The following AXIN2 variants were observed in gnomAD, a reference collection of about 807,000 sequenced individuals.
AXIN2 encodes the protein axin 2.
In AXIN2, 21 loss-of-function variants were observed where a neutral mutation model predicts 74.7. That is an observed-to-expected ratio of 0.28 (90% confidence interval 0.20 to 0.40). The LOEUF (loss-of-function observed/expected upper bound fraction) is 0.40, where lower values mean the gene tolerates loss of function less well. Among genes scored for constraint, AXIN2 ranks in the 10% least tolerant of loss-of-function variants. AXIN2 has a pLI of 1.00. For synonymous variants in AXIN2, 532 were observed against 454.9 expected, an observed-to-expected ratio of 1.17 and a Z score of -2.16; for missense variants, 1,144 against 1,111.1, an observed-to-expected ratio of 1.03 and a Z score of -0.42.
chr17:65,554,244 T>C lies in AXIN2; in HGVS notation c.815+3562A>G, dbSNP rs1169291563. On this transcript the variant is annotated intron_variant, in intron 2 of 10. Coordinates refer to ENST00000307078, the MANE Select transcript of AXIN2 (RefSeq NM_004655.4). ...ATAGGGGTCCTCCTCCTTCTCCTCC[T>C]CTTCCTCTTCCTCCTCCTCCTCCTC... 1.3e-5 allele frequency among the ~76,000 whole-genome samples: 2 copies of C among 150,798 alleles called. 1 individual carries two copies. The highest frequency in any genetic ancestry group is 3.0e-5 in the Non-Finnish European group (2 of 67,172).
At chr17:65,537,280 G>A (rs747409563) in intron 6 of AXIN2, 44 bp downstream of exon 6, 1 of 1,612,502 alleles carries the variant, frequency 6.2e-7, no homozygotes, top group Non-Finnish European at 8.5e-7. Flanking sequence ...ACCTGGCTGG[G>A]AGACAAGCCC....
Position 65,538,262 on chromosome 17 carries a change from G to C in AXIN2, c.1141C>G (p.Leu381Val). The stretch of plus-strand genomic sequence containing the variant: ...TGGCGGCTCTCCAACTCCAGCTTCA[G>C]CTTTTCCAGCCTCGAGATCAGCTCA... ...AAELISRLEK[L>V]KLELESRHSL... Residue 381 changes from leucine (L) to valine (V), a missense_variant, in exon 5 of 11, where the codon CTG (leucine) becomes GTG (valine). Leu to Val is a conservative substitution (Grantham distance 32). Around this residue, in one of 4 missense-constraint regions of AXIN2, gnomAD observed 1,053 missense variants for 973.5 expected, o/e 1.08. Transcript: ENST00000307078. The C allele has an allele frequency of 6.2e-7, 1 of 1,614,226 alleles. No individual in the cohort carries two copies.
At chr17:65,530,426 C>G (rs2043797514) in intron 10 of AXIN2, among the ~76,000 whole-genome samples, 1 of 152,210 alleles carries the variant, frequency 6.6e-6, no homozygotes, top group South Asian at 2.1e-4. Context: ...CCCCCGCCAA[C>G]CTTTTTCAGC....
At chr17:65,537,263 C>T in intron 6 of AXIN2, 61 bp downstream of exon 6, 1 of 1,608,328 alleles carries the variant, frequency 6.2e-7, no homozygotes, top group Non-Finnish European at 8.5e-7. Flanking sequence ...CTCACACCTG[C>T]CCATGGACCT....
chr17:65,558,768 G>A, intron 1 of AXIN2, 32 bp from the exon 2 acceptor site: 1 of 811,846 alleles, frequency 1.2e-6, no homozygotes, highest in Non-Finnish European at 2.0e-6. Flanking sequence ...GAGGTGGGGA[G>A]AGAGAAAAGG....
At chr17:65,544,024 G>C (rs750687592) in intron 3 of AXIN2, among the ~76,000 whole-genome samples, 11 of 152,088 alleles carry the variant, frequency 7.2e-5, no homozygotes, top group South Asian at 2.1e-4. Context: ...CTCTTCTAGG[G>C]ACTTAGACAG....
At chr17:65,548,194 A>G (rs2044143207) in intron 3 of AXIN2, among the ~76,000 whole-genome samples, 1 of 152,198 alleles carries the variant, frequency 6.6e-6, no homozygotes. Flanking sequence ...CCAAAATGCT[A>G]TTTTTATTAA....
chr17:65,551,171 G>A (rs2044187326), intron 2 of AXIN2, among the ~76,000 whole-genome samples: 1 of 152,218 alleles, frequency 6.6e-6, no homozygotes, highest in Admixed American at 6.5e-5. Flanking sequence ...AGGAGGGACA[G>A]TTGGGGACGG....
At chr17:65,560,518 TAACCGC>T (rs2044350976) in intron 1 of AXIN2, 1 of 152,096 alleles carries the variant, frequency 6.6e-6, no homozygotes, top group African/African-American at 2.4e-5. Flanking sequence ...CTCACATCCA[TAACCGC>T]GACAGCGACG....
intron 3 of AXIN2, among the ~76,000 whole-genome samples, chr17:65,549,211 G>A (rs1469647509): frequency 6.6e-6 from 1 of 152,202 alleles, no homozygotes; most frequent in Non-Finnish European, 1.5e-5. Context: ...ACAACCAGAA[G>A]AAGGTTTTTT....
chr17:65,549,379 C>G, intron 3 of AXIN2, 141 bp downstream of exon 3: 1 of 1,025,214 alleles, frequency 9.8e-7, no homozygotes, highest in Non-Finnish European at 1.5e-6. Flanking sequence ...CCTTGTCATA[C>G]TCCCCTCCCA....
rs1179039200 is a variant in AXIN2 at position 65,528,650 on chromosome 17, T to C, written c.*1326A>G. Reference sequence around the variant, plus strand: ...AGTAATTTTCCTTAAATGAACTCTTTATAATGCATAATTTACAGTATAAGT... The same window carrying C: ...AGTAATTTTCCTTAAATGAACTCTTCATAATGCATAATTTACAGTATAAGT... On this transcript the variant is annotated 3_prime_UTR_variant, in exon 11 of 11. Transcript: ENST00000307078. 7 of 516,806 alleles carry C rather than the reference T, an allele frequency of 1.4e-5. No individual in the cohort carries two copies. The highest frequency in any genetic ancestry group is 2.2e-5 in the Non-Finnish European group (6 of 269,702). 32.0% of individuals were successfully genotyped at this position (516,806 alleles called of 1,614,324 possible).
chr17:65,552,940 A>G (rs1432312896), intron 2 of AXIN2, among the ~76,000 whole-genome samples: 1 of 152,140 alleles, frequency 6.6e-6, no homozygotes, highest in South Asian at 2.1e-4. Context: ...AGGCAGGAGA[A>G]TCGCTTGAAC....
chr17:65,533,378 T>G (rs1340012057), intron 10 of AXIN2, among the ~76,000 whole-genome samples: 1 of 152,176 alleles, frequency 6.6e-6, no homozygotes, highest in Non-Finnish European at 1.5e-5. Context: ...GGGAGGCTGT[T>G]CAGGTGGAAA....
chr17:65,536,473 C>A lies in AXIN2; in HGVS notation c.1988G>T (p.Trp663Leu), dbSNP rs761870581. 5 of 1,613,934 alleles carry A rather than the reference C, an allele frequency of 3.1e-6. No homozygotes were observed. The highest frequency in any genetic ancestry group is 1.3e-5 in the African/African-American group (1 of 75,078). Reference sequence around the variant, plus strand: ...GCGGGGGTGCCCGCTGTTGCCCCCCCACAGATGGTGCCGGCTGGCTCGTTC... The same window carrying A: ...GCGGGGGTGCCCGCTGTTGCCCCCCAACAGATGGTGCCGGCTGGCTCGTTC... ...PGERASRHHLWGGNSGHPRTT... is the reference protein window; with the variant it reads ...PGERASRHHLLGGNSGHPRTT... The change falls in exon 8 of 11, where the codon TGG becomes TTG. Residue 663 changes from tryptophan to leucine, a missense_variant. By Grantham distance (61) the Trp-to-Leu change is moderately conservative. This residue lies in a region of AXIN2 where 1,053 missense variants were observed against 973.5 expected (regional missense o/e 1.08). Coordinates refer to ENST00000307078, the MANE Select transcript of AXIN2 (RefSeq NM_004655.4).
At chr17:65,540,224 T>A (rs920188046) in intron 4 of AXIN2, among the ~76,000 whole-genome samples, 7 of 147,250 alleles carry the variant, frequency 4.8e-5, no homozygotes, top group African/African-American at 1.8e-4. Flanking sequence ...AAGTAGAATG[T>A]CCCAGTGAAG....
At chr17:65,555,906 C>T (rs1232396348) in intron 2 of AXIN2, among the ~76,000 whole-genome samples, 1 of 151,658 alleles carries the variant, frequency 6.6e-6, no homozygotes, top group African/African-American at 2.4e-5. Context: ...GATGCTTCAT[C>T]TCAACCCAAC....
Position 65,533,311 on chromosome 17 carries a change from C to CCCCT in AXIN2, c.2405+597_2405+600dup, listed in dbSNP as rs200454807. Among the ~76,000 whole-genome samples the CCCCT allele has an allele frequency of 3.9e-3, 596 of 152,328 alleles. 4 individuals are homozygous for CCCCT. Among genetic ancestry groups the CCCCT allele is most frequent in the African/African-American group, 0.014 (570 of 41,580 alleles). The stretch of plus-strand genomic sequence containing the variant: ...ACCCTGTGCCCACCCGCAGGTCCAG[C>CCCCT]CCCTTCTTTGTTATGGACAAAGGCG... On this transcript the variant is annotated intron_variant, in intron 10 of 10. Transcript: ENST00000307078.
At position 65,558,294 on chromosome 17, in the gene AXIN2, G is replaced by A. The variant is rs1176996295; in HGVS notation, c.327C>T (p.Asp109=). Reference sequence around the variant, plus strand: ...TGAATCCATTGCAGGCAAACCAGAAGTCTAAGGTATCCACGCATTTCTCCC... The same window carrying A: ...TGAATCCATTGCAGGCAAACCAGAAATCTAAGGTATCCACGCATTTCTCCC... ...LEREKCVDTL[D]FWFACNGFRQ... The change falls in exon 2 of 11, where the codon GAC becomes GAT. Residue 109 remains aspartate, a synonymous_variant. Transcript: ENST00000307078. 6.2e-7 allele frequency: 1 copy of A among 1,614,224 alleles called. No individual in the cohort carries two copies. Among genetic ancestry groups the A allele is most frequent in the Non-Finnish European group, 8.5e-7 (1 of 1,180,036 alleles).
Sources: gnomAD v4.1 joint callset for allele counts (sites outside exome capture counted in the v4.1 genomes callset) on GRCh38, gnomAD v4.1.1 for gene constraint, gnomAD v4.1.1 regional missense constraint, MANE v1.5 for transcripts, NCBI Gene and HGNC (gene_info 2026-07-23, HGNC 2026-07-21) for gene names.